MYH14: variants seen among roughly 807,000 people sequenced by gnomAD.
The protein encoded by MYH14 is myosin-14.
A neutral mutation model predicts 255.5 loss-of-function variants in MYH14; 123 were observed. The ratio of observed to expected loss-of-function variants is 0.48; its 90% CI spans 0.42 to 0.56. The LOEUF is 0.56. Among genes scored for constraint, MYH14 ranks in the 20% least tolerant of loss-of-function variants. The probability of loss-of-function intolerance (pLI) is 0.00; values close to 1 mark genes in which losing one functional copy is unlikely to be tolerated. For synonymous variants in MYH14, 1,095 were observed against 1,161.2 expected, an observed-to-expected ratio of 0.94 and a Z score of 1.16; for missense variants, 2,423 against 2,802.3, an observed-to-expected ratio of 0.86 and a Z score of 3.06.
chr19:50,287,316 C>T (rs1347616201), intron 34 of MYH14, among the ~76,000 whole-genome samples: 6 of 152,268 alleles, frequency 3.9e-5, no homozygotes, highest in African/African-American at 1.4e-4. Flanking sequence ...CATGTGTTCA[C>T]ACACAGAATA....
At chr19:50,236,426 C>T (rs1041169642) in intron 10 of MYH14, among the ~76,000 whole-genome samples, 4 of 151,998 alleles carry the variant, frequency 2.6e-5, no homozygotes, top group East Asian at 1.9e-4. Flanking sequence ...AAACGAAATG[C>T]CAGCTGGGCG....
At position 50,292,486 on chromosome 19, in the gene MYH14, G is replaced by A. The variant is rs944477360; in HGVS notation, c.5256+97G>A. The A allele has an allele frequency of 6.4e-5, 52 of 818,382 alleles. 2 individuals are homozygous for A. In the African/African-American group the frequency reaches 1.0e-3, roughly 16 times the overall value. 50.7% of individuals were successfully genotyped at this position (818,382 alleles called of 1,614,324 possible). A position where few individuals can be genotyped will look rare whatever the true frequency, so the allele number is the denominator to read the frequency against. ...GATGTGAAGCTGGGGAGGTGGGCGG[G>A]GCTAACCACAGGGTCCCTGGATGTG... On this transcript the variant is annotated intron_variant, in intron 37 of 42. Coordinates refer to ENST00000642316, the MANE Select transcript of MYH14 (RefSeq NM_001145809.2).
intron 16 of MYH14, among the ~76,000 whole-genome samples, chr19:50,253,999 C>T (rs1397776028): frequency 6.6e-6 from 1 of 152,126 alleles, no homozygotes; most frequent in East Asian, 1.9e-4. Flanking sequence ...GGACGGGTCA[C>T]CTGAGGTCGG....
In MYH14 at chr19:50,274,988, G is replaced by C. The variant is rs551173108; in HGVS notation, c.3468-1003G>C. The stretch of plus-strand genomic sequence containing the variant: ...CCCCATCCCTCCTTCTCCCCAGCCT[G>C]GCAGCCTCTGATCCACTTTCTGTCT... On this transcript the variant is annotated intron_variant, in intron 27 of 42. Transcript: ENST00000642316. Among the ~76,000 whole-genome samples, 33 of 151,370 alleles carry C rather than the reference G, an allele frequency of 2.2e-4. No homozygotes were observed. The South Asian group carries it at 4.4e-3, about 20-fold the overall frequency.
intron 35 of MYH14, among the ~76,000 whole-genome samples, 175 bp from the exon 36 acceptor site, chr19:50,290,712 G>T (rs899209652): frequency 1.1e-4 from 16 of 152,166 alleles, no homozygotes; most frequent in African/African-American, 3.9e-4. Flanking sequence ...TGAGATGGGG[G>T]ACTGAGCTGG....
chr19:50,236,999 T>C (rs767624492), intron 10 of MYH14, among the ~76,000 whole-genome samples: 1 of 152,170 alleles, frequency 6.6e-6, no homozygotes, highest in African/African-American at 2.4e-5. Context: ...TTTCGGTCTC[T>C]ATGGACTTGC....
In MYH14 at chr19:50,276,895, C is replaced by T. The variant is rs750779364; in HGVS notation, c.3819C>T (p.Ala1273=). 337 of 1,606,568 alleles carry T rather than the reference C, an allele frequency of 2.1e-4. No homozygotes were observed. The highest frequency in any genetic ancestry group is 2.7e-4 in the Non-Finnish European group (319 of 1,177,374). ...AGCTGGCGGAGCAGCTGGAGCAGGC[C>T]CGGAGGGTGGGTTGGGGCAGGGGGA... The part of the protein sequence containing the change: ...LGELAEQLEQ[A]RRGKGAWEKT... The change falls in exon 29 of 43, where the codon GCC becomes GCT. Residue 1273 remains alanine, a synonymous_variant. Coordinates refer to ENST00000642316, the MANE Select transcript of MYH14 (RefSeq NM_001145809.2). This position sits in a 1 kb window ranked among gnomAD's most constrained non-coding sequence, Gnocchi z 4.3.
intron 33 of MYH14, 142 bp from the exon 34 acceptor site, chr19:50,286,340 C>T: frequency 1.2e-6 from 1 of 826,788 alleles, no homozygotes. Flanking sequence ...ACTTTAATCC[C>T]TCTACCTCCC....
intron 40 of MYH14, among the ~76,000 whole-genome samples, chr19:50,302,794 C>A (rs565438602): frequency 6.7e-6 from 1 of 148,442 alleles, no homozygotes; most frequent in South Asian, 2.2e-4. Context: ...CCCAGCTACT[C>A]GGGAGGCTGA....
chr19:50,220,308 G>A (rs1310634094), intron 3 of MYH14, among the ~76,000 whole-genome samples: 1 of 150,282 alleles, frequency 6.7e-6, no homozygotes, highest in African/African-American at 2.4e-5. Context: ...GTATAATATT[G>A]TGAATATATT....
intron 39 of MYH14, among the ~76,000 whole-genome samples, chr19:50,298,757 AAAAAAAGAAAAG>A (rs2036371849): frequency 6.6e-6 from 1 of 151,936 alleles, no homozygotes; most frequent in African/African-American, 2.4e-5. Context: ...TCTAAAAAAA[AAAAAAAGAAAAG>A]AAAAAAGAAA....
chr19:50,288,659 C>T (rs1219933085), intron 34 of MYH14, among the ~76,000 whole-genome samples: 1 of 152,220 alleles, frequency 6.6e-6, no homozygotes, highest in Non-Finnish European at 1.5e-5. Context: ...TGGCGATCCA[C>T]AGACATAGGC....
chr19:50,210,092 G>A lies in MYH14; in HGVS notation c.-3-271G>A, dbSNP rs189335033. ...CAGCCTGGGCAACAAGCGAGACTCC[G>A]TCTCAAAAAAAAAAAAAAAAAAAAA... On this transcript the variant is annotated intron_variant, in intron 1 of 42. Transcript: ENST00000642316. Among the ~76,000 whole-genome samples, 2,200 of 77,594 alleles carry A rather than the reference G, an allele frequency of 0.028. 33 individuals carry two copies. Among genetic ancestry groups the A allele is most frequent in the Middle Eastern group, 0.078 (5 of 64 alleles). 50.9% of individuals were successfully genotyped at this position (77,594 alleles called of 152,430 possible). A position where few individuals can be genotyped will look rare whatever the true frequency, so the allele number is the denominator to read the frequency against.
Position 50,252,612 on chromosome 19 carries a change from C to T in MYH14, c.1831-27C>T, listed in dbSNP as rs778365635. ...GAGAATGTCTGAGCCTGCAAGTCAT[C>T]GCCCTCCTCTACCTGACTTCATTCA... On this transcript the variant is annotated intron_variant, in intron 15 of 42. Transcript: ENST00000642316. The surrounding 1 kb of genome is among the most constrained non-coding windows in gnomAD (Gnocchi z 4.2). 9.7e-6 allele frequency: 14 copies of T among 1,450,622 alleles called. No individual in the cohort carries two copies. Among genetic ancestry groups the T allele is most frequent in the African/African-American group, 7.0e-5 (5 of 71,144 alleles). The allele number at this position is 1,450,622 out of a possible 1,614,324, so 89.9% of individuals were successfully genotyped here.
chr19:50,275,159 A>G (rs2035458037), intron 27 of MYH14, among the ~76,000 whole-genome samples: 1 of 152,148 alleles, frequency 6.6e-6, no homozygotes, highest in South Asian at 2.1e-4. Flanking sequence ...TGCCCTTCTT[A>G]AGTCACTTGT....
intron 39 of MYH14, among the ~76,000 whole-genome samples, chr19:50,298,398 A>G (rs2036355881): frequency 2.4e-5 from 2 of 82,176 alleles, no homozygotes; most frequent in Admixed American, 3.2e-4. Flanking sequence ...AAACACACAC[A>G]CATACACACA....
intron 10 of MYH14, among the ~76,000 whole-genome samples, chr19:50,235,148 A>G (rs2033600274): frequency 6.6e-6 from 1 of 152,060 alleles, no homozygotes; most frequent in Non-Finnish European, 1.5e-5. Context: ...GACTGAGGTC[A>G]GGAGTTCGAG....
At chr19:50,219,922 CA>C (rs1306052612) in intron 3 of MYH14, among the ~76,000 whole-genome samples, 3 of 151,670 alleles carry the variant, frequency 2.0e-5, no homozygotes, top group Admixed American at 6.6e-5. Context: ...TATAATAGGC[CA>C]GGGGCGGTGG....
In MYH14 at chr19:50,301,715, G is replaced by A. The variant is rs2036486295; in HGVS notation, c.5524G>A (p.Glu1842Lys). The A allele has an allele frequency of 6.2e-7, 1 of 1,613,944 alleles. No individual in the cohort carries two copies. The stretch of plus-strand genomic sequence containing the variant: ...TGAGCGCAGTTTCTCAGCCAAGGCA[G>A]AGAGCGGGCGGCAGCAGCTGGAACG... ...SAERSFSAKA[E>K]SGRQQLERQI... Residue 1842 changes from glutamate to lysine, a missense_variant, in exon 40 of 43, where the codon GAG (glutamate) becomes AAG (lysine). Coordinates refer to ENST00000642316, the MANE Select transcript of MYH14 (RefSeq NM_001145809.2).
Sources: gnomAD v4.1 joint callset for allele counts (sites outside exome capture counted in the v4.1 genomes callset) on GRCh38, gnomAD v4.1.1 for gene constraint, Gnocchi (gnomAD v3.1) non-coding constraint, MANE v1.5 for transcripts, NCBI Gene and HGNC (gene_info 2026-07-23, HGNC 2026-07-21) for gene names.